The following SIK3 variants were observed in gnomAD, a reference collection of about 807,000 sequenced individuals.
SIK3 encodes SIK family kinase 3.
SIK3 carries 28 observed loss-of-function variants against 144.2 expected under a neutral mutation model. The ratio of observed to expected loss-of-function variants is 0.19; its 90% CI spans 0.14 to 0.27. The LOEUF (loss-of-function observed/expected upper bound fraction) is 0.27. SIK3 is among the 10% of genes least tolerant of loss of function. The probability of loss-of-function intolerance (pLI) is 1.00; values close to 1 mark genes in which losing one functional copy is unlikely to be tolerated. For missense variants in SIK3, 1,319 were observed against 1,776.0 expected (o/e 0.74, Z 4.62); for synonymous variants, 686 against 676.3 (o/e 1.01, Z -0.22).
intron 14 of SIK3, chr11:116,869,825 A>G (rs1943869818): frequency 3.5e-6 from 1 of 287,016 alleles, no homozygotes; most frequent in South Asian, 3.3e-5. Context: ...CGAATCCCAT[A>G]TTCTCTTTTT....
At chr11:116,934,179 A>C (rs1048219576) in intron 3 of SIK3, among the ~76,000 whole-genome samples, 2 of 152,224 alleles carry the variant, frequency 1.3e-5, no homozygotes, top group African/African-American at 4.8e-5. Context: ...CTAGAAAACA[A>C]GCTCCATGAG....
In SIK3 at chr11:116,847,615, A is replaced by G; in HGVS notation, c.3820-7T>C. ...GCAAGTTATCCAGCTGTACCTGCAG[A>G]AAACAGTTAAGAGAAGAAATAAGCA... is the stretch of plus-strand genomic sequence containing the variant. On this transcript the variant is annotated splice_polypyrimidine_tract_variant and splice_region_variant and intron_variant, in intron 22 of 24. Transcript: ENST00000445177. 1 of 1,614,124 alleles carries G rather than the reference A, an allele frequency of 6.2e-7. No homozygotes were observed. Among genetic ancestry groups the G allele is most frequent in the Non-Finnish European group, 8.5e-7 (1 of 1,180,028 alleles).
chr11:116,923,743 G>GTATA (rs1947129585), intron 4 of SIK3, among the ~76,000 whole-genome samples: 1 of 152,186 alleles, frequency 6.6e-6, no homozygotes. Context: ...TCTTGCCAAA[G>GTATA]TATATGTGTT....
At chr11:116,917,584 C>T (rs916613105) in intron 4 of SIK3, among the ~76,000 whole-genome samples, 1 of 151,952 alleles carries the variant, frequency 6.6e-6, no homozygotes, top group Non-Finnish European at 1.5e-5. Context: ...GGCAAAACAC[C>T]TGTAGTCCCA....
intron 1 of SIK3, among the ~76,000 whole-genome samples, chr11:116,994,304 T>C (rs866194059): frequency 3.9e-5 from 6 of 152,268 alleles, no homozygotes; most frequent in Middle Eastern, 3.4e-3. Flanking sequence ...GGTAAGGAGA[T>C]AGGGAATTAG....
chr11:117,003,409 A>C (rs976583442), intron 1 of SIK3, among the ~76,000 whole-genome samples: 3 of 152,200 alleles, frequency 2.0e-5, no homozygotes, highest in Non-Finnish European at 4.4e-5. Flanking sequence ...CTTAAAGCAC[A>C]ATTTTTCTAG....
intron 6 of SIK3, among the ~76,000 whole-genome samples, chr11:116,884,300 C>T (rs1445664955): frequency 6.6e-6 from 1 of 151,266 alleles, no homozygotes; most frequent in African/African-American, 2.4e-5. Context: ...GATCCTCCTG[C>T]CTCAGCTTCT....
chr11:116,882,427 G>A (rs978887033), intron 6 of SIK3, among the ~76,000 whole-genome samples: 1 of 152,180 alleles, frequency 6.6e-6, no homozygotes, highest in Non-Finnish European at 1.5e-5. Context: ...TAAGGAACCA[G>A]ATCATCAGAC....
At chr11:117,042,198 C>T (rs1952773836) in intron 1 of SIK3, among the ~76,000 whole-genome samples, 1 of 152,154 alleles carries the variant, frequency 6.6e-6, no homozygotes, top group Non-Finnish European at 1.5e-5. Flanking sequence ...GCCCATTCTG[C>T]CAAAGCACTC....
At chr11:117,007,793 T>G (rs1443993934) in intron 1 of SIK3, among the ~76,000 whole-genome samples, 1 of 152,120 alleles carries the variant, frequency 6.6e-6, no homozygotes, top group African/African-American at 2.4e-5. Context: ...CATTAAAAAA[T>G]GCACTGCCAC....
At chr11:117,065,865 A>T (rs187091943) in intron 1 of SIK3, among the ~76,000 whole-genome samples, 33 of 152,064 alleles carry the variant, frequency 2.2e-4, no homozygotes, top group African/African-American at 7.5e-4. Flanking sequence ...CCTGGCCCCA[A>T]GTGATCTGCC....
chr11:116,868,265 G>A (rs999973334), intron 14 of SIK3, among the ~76,000 whole-genome samples, 176 bp from the exon 15 acceptor site: 4 of 152,270 alleles, frequency 2.6e-5, no homozygotes, highest in South Asian at 2.1e-4. Context: ...CTGGCCAACA[G>A]AAGTTGGCTT....
chr11:116,981,468 A>T (rs1444202310), intron 1 of SIK3, among the ~76,000 whole-genome samples: 1 of 152,162 alleles, frequency 6.6e-6, no homozygotes, highest in Non-Finnish European at 1.5e-5. Context: ...AAATAATATC[A>T]CTTCTGTCAT....
intron 1 of SIK3, among the ~76,000 whole-genome samples, chr11:117,018,979 T>C (rs1171769985): frequency 1.3e-5 from 2 of 150,860 alleles, no homozygotes; most frequent in African/African-American, 2.4e-5. Flanking sequence ...CCCAAAGTGC[T>C]GGGATTACAG....
rs551302405 is a variant in SIK3, at chr11:117,049,580, A to T, written c.273+48563T>A. 4.6e-5 allele frequency among the ~76,000 whole-genome samples: 7 copies of T among 152,322 alleles called. 1 individual carries two copies. The South Asian group carries it at 1.5e-3, about 32-fold the overall frequency. On this transcript the variant is annotated intron_variant, in intron 1 of 24. Coordinates refer to ENST00000445177, the MANE Select transcript of SIK3 (RefSeq NM_001366686.3). Reference sequence around the variant, plus strand: ...GTGACACAGCAAGGCTCCATCTCAAAAAAAAAGAAAGAAAGAAGCAAGGAA... The same window carrying T: ...GTGACACAGCAAGGCTCCATCTCAATAAAAAAGAAAGAAAGAAGCAAGGAA...
At chr11:117,044,702 G>A (rs1315483992) in intron 1 of SIK3, among the ~76,000 whole-genome samples, 3 of 152,016 alleles carry the variant, frequency 2.0e-5, no homozygotes, top group Non-Finnish European at 4.4e-5. Flanking sequence ...GCAACATAGG[G>A]AGACCCCGTC....
chr11:116,967,716 T>G (rs757153970), intron 1 of SIK3, among the ~76,000 whole-genome samples: 2 of 152,196 alleles, frequency 1.3e-5, no homozygotes, highest in Admixed American at 1.3e-4. Context: ...GTCAGTAGTG[T>G]GCTCATTGTT....
At chr11:116,959,521 A>T (rs552706321) in intron 1 of SIK3, among the ~76,000 whole-genome samples, 1 of 152,218 alleles carries the variant, frequency 6.6e-6, no homozygotes, top group South Asian at 2.1e-4. Context: ...ACCCCCTACT[A>T]ATTGATGGCA....
At chr11:116,944,803 A>G (rs1325136966) in intron 3 of SIK3, among the ~76,000 whole-genome samples, 1 of 152,204 alleles carries the variant, frequency 6.6e-6, no homozygotes, top group African/African-American at 2.4e-5. Context: ...TGTAGGTGAC[A>G]GCAGAGTGAG....
Sources: allele counts gnomAD v4.1 joint callset (sites outside exome capture counted in the v4.1 genomes callset), GRCh38; gene constraint gnomAD v4.1.1; transcripts MANE v1.5; gene names NCBI Gene and HGNC (gene_info 2026-07-23, HGNC 2026-07-21).